RBFOX1: variants seen among roughly 807,000 people sequenced by gnomAD.
RBFOX1 encodes the protein RNA binding protein fox-1 homolog 1.
RBFOX1 carries 8 observed loss-of-function variants against 57.7 expected under a neutral mutation model. That is an observed-to-expected ratio of 0.14 (90% CI 0.08 to 0.25). The LOEUF (loss-of-function observed/expected upper bound fraction) is 0.25. Among genes scored for constraint, RBFOX1 ranks in the 10% least tolerant of loss-of-function variants. The pLI is 1.00. For missense variants in RBFOX1, 611 were observed against 548.5 expected (o/e 1.11, Z -1.14); for synonymous variants, 326 against 222.4 (o/e 1.47, Z -4.15).
intron 4 of RBFOX1, among the ~76,000 whole-genome samples, chr16:7,427,598 C>CT (rs993088750): frequency 1.3e-4 from 20 of 151,558 alleles, no homozygotes; most frequent in African/African-American, 4.6e-4. Flanking sequence ...TTAACTCTTT[C>CT]TTTCTTTTCT....
intron 1 of RBFOX1, among the ~76,000 whole-genome samples, chr16:5,380,325 G>T (rs970215607): frequency 2.0e-5 from 3 of 152,168 alleles, no homozygotes; most frequent in Non-Finnish European, 2.9e-5. Context: ...TTGTGCCTCT[G>T]TCCCAAGGAT....
intron 4 of RBFOX1, among the ~76,000 whole-genome samples, chr16:7,199,348 T>C (rs376337042): frequency 2.0e-5 from 3 of 152,176 alleles, no homozygotes; most frequent in African/African-American, 2.4e-5. Context: ...GTTTTATCAT[T>C]TGAAAAATCG....
At chr16:6,526,154 C>A (rs1319737061) in intron 2 of RBFOX1, among the ~76,000 whole-genome samples, 1 of 152,196 alleles carries the variant, frequency 6.6e-6, no homozygotes, top group African/African-American at 2.4e-5. Flanking sequence ...CAATAAACAT[C>A]CACCTCACCA....
chr16:7,250,388 T>G (rs2094461085), intron 4 of RBFOX1, among the ~76,000 whole-genome samples: 2 of 152,232 alleles, frequency 1.3e-5, no homozygotes, highest in Admixed American at 6.5e-5. Context: ...AAAGCCAGCT[T>G]AATGATATAA....
intron 3 of RBFOX1, among the ~76,000 whole-genome samples, chr16:7,022,244 G>T (rs1356341314): frequency 6.6e-6 from 1 of 150,668 alleles, no homozygotes; most frequent in Non-Finnish European, 1.5e-5. Flanking sequence ...GTAGAGACGG[G>T]ATTTCACCAT....
intron 1 of RBFOX1, among the ~76,000 whole-genome samples, chr16:5,283,497 A>G (rs1005042402): frequency 5.3e-5 from 8 of 152,112 alleles, no homozygotes; most frequent in African/African-American, 2.4e-5. Flanking sequence ...GAGGGGTGTT[A>G]TACCCTACAA....
At chr16:7,418,965 C>T (rs752431091) in intron 4 of RBFOX1, among the ~76,000 whole-genome samples, 10 of 152,060 alleles carry the variant, frequency 6.6e-5, no homozygotes, top group African/African-American at 9.7e-5. Flanking sequence ...AGTGCAGTGG[C>T]ACAATCAGAG....
chr16:6,197,479 G>A (rs558805609), intron 1 of RBFOX1, among the ~76,000 whole-genome samples: 1 of 152,094 alleles, frequency 6.6e-6, no homozygotes, highest in African/African-American at 2.4e-5. Flanking sequence ...TATCATCCCT[G>A]CTCCACCTGA....
chr16:7,216,041 G>A (rs1378698534), intron 4 of RBFOX1, among the ~76,000 whole-genome samples: 1 of 152,018 alleles, frequency 6.6e-6, no homozygotes, highest in Non-Finnish European at 1.5e-5. Context: ...TTATATCACT[G>A]GAATCATACA....
intron 1 of RBFOX1, among the ~76,000 whole-genome samples, chr16:6,239,764 T>C (rs954165951): frequency 3.3e-5 from 5 of 152,196 alleles, no homozygotes; most frequent in Admixed American, 6.5e-5. Flanking sequence ...CCCAAAGTGC[T>C]GGGATTACAG....
chr16:5,263,637 TG>T (rs1440644420), intron 1 of RBFOX1, among the ~76,000 whole-genome samples: 4 of 151,926 alleles, frequency 2.6e-5, no homozygotes, highest in African/African-American at 9.7e-5. Context: ...GAAGGTAGTT[TG>T]GGAAAGGAGA....
At chr16:5,910,926 C>G (rs1016957937) in intron 4 of RBFOX1, among the ~76,000 whole-genome samples, 1 of 152,186 alleles carries the variant, frequency 6.6e-6, no homozygotes, top group Non-Finnish European at 1.5e-5. Flanking sequence ...ATAACTCTGA[C>G]TCTCCTCCCT....
At chr16:5,889,404 GT>G (rs1440139425) in intron 4 of RBFOX1, among the ~76,000 whole-genome samples, 1 of 152,080 alleles carries the variant, frequency 6.6e-6, no homozygotes, top group Non-Finnish European at 1.5e-5. Flanking sequence ...CTCTCATTTT[GT>G]TTTATGGCTG....
intron 4 of RBFOX1, among the ~76,000 whole-genome samples, chr16:7,380,815 A>T (rs2097771468): frequency 6.6e-6 from 1 of 152,254 alleles, no homozygotes; most frequent in African/African-American, 2.4e-5. Context: ...TGAGAAATTC[A>T]GATTTCATAG....
chr16:6,605,251 T>A (rs1308223313), intron 2 of RBFOX1, among the ~76,000 whole-genome samples: 2 of 141,852 alleles, frequency 1.4e-5, no homozygotes, highest in African/African-American at 5.7e-5. Context: ...TAATAATTTA[T>A]AATGAAACCA....
At chr16:7,708,718 C>T (rs1226185831) in intron 14 of RBFOX1, among the ~76,000 whole-genome samples, 2 of 152,272 alleles carry the variant, frequency 1.3e-5, no homozygotes, top group Middle Eastern at 3.4e-3. Context: ...GGGCTTAATA[C>T]TTGAAGTTGT....
At chr16:7,223,944 G>T (rs1270091272) in intron 4 of RBFOX1, among the ~76,000 whole-genome samples, 3 of 151,726 alleles carry the variant, frequency 2.0e-5, no homozygotes, top group Admixed American at 6.6e-5. Flanking sequence ...ACCAGGATAG[G>T]CACACCTCAT....
At chr16:7,188,200 C>G (rs1417590639) in intron 4 of RBFOX1, among the ~76,000 whole-genome samples, 2 of 152,166 alleles carry the variant, frequency 1.3e-5, no homozygotes, top group Admixed American at 6.5e-5. Flanking sequence ...TGGAATGAAA[C>G]ACTCCCTGAG....
At chr16:7,154,871 C>G (rs2152316865) in intron 4 of RBFOX1, among the ~76,000 whole-genome samples, 1 of 152,168 alleles carries the variant, frequency 6.6e-6, no homozygotes, top group East Asian at 1.9e-4. Context: ...TTATGAAACC[C>G]ACTTCATAGG....
Sources: gnomAD v4.1 joint callset for allele counts (sites outside exome capture counted in the v4.1 genomes callset) on GRCh38, gnomAD v4.1.1 for gene constraint, MANE v1.5 for transcripts, NCBI Gene and HGNC (gene_info 2026-07-23, HGNC 2026-07-21) for gene names.